Variants in CUBN observed in about 807,000 individuals in gnomAD.
CUBN encodes the protein cubilin, also known as 460 kDa receptor.
A neutral mutation model predicts 405.3 loss-of-function variants in CUBN; 282 were observed. The observed-to-expected ratio is 0.70, with a 90% CI of 0.63 to 0.77. CUBN has a LOEUF of 0.77. Ranked by LOEUF, CUBN falls within the 30% of genes least tolerant of loss-of-function variation. CUBN has a pLI of 0.00. For synonymous variants in CUBN, 1,684 were observed against 1,617.0 expected, an observed-to-expected ratio of 1.04 and a Z score of -0.99; for missense variants, 4,514 against 4,475.2, an observed-to-expected ratio of 1.01 and a Z score of -0.25.
chr10:16,900,511 T>C (rs1841326409), intron 53 of CUBN, 114 bp downstream of exon 53: 19 of 833,850 alleles, frequency 2.3e-5, no homozygotes, highest in South Asian at 2.1e-4. Flanking sequence ...TGAGATGACA[T>C]GTGCAAATAT....
chr10:16,960,788 G>A (rs865957808), intron 31 of CUBN, among the ~76,000 whole-genome samples: 3 of 152,228 alleles, frequency 2.0e-5, no homozygotes, highest in Middle Eastern at 3.4e-3. Context: ...AGGTCAGCTC[G>A]GCTGCTTTCT....
At chr10:17,009,493 G>A (rs777565769) in intron 28 of CUBN, among the ~76,000 whole-genome samples, 2 of 152,240 alleles carry the variant, frequency 1.3e-5, no homozygotes, top group Non-Finnish European at 1.5e-5. Context: ...TGCCATGACC[G>A]TTCAATCAAG....
chr10:17,128,937 T>A (rs1032357927), intron 2 of CUBN, among the ~76,000 whole-genome samples, 184 bp downstream of exon 2: 2 of 152,198 alleles, frequency 1.3e-5, no homozygotes, highest in Admixed American at 6.5e-5. Flanking sequence ...GGTAAATATT[T>A]AAGGTGATGG....
chr10:16,843,560 C>T (rs1839422856), intron 60 of CUBN, among the ~76,000 whole-genome samples: 1 of 152,182 alleles, frequency 6.6e-6, no homozygotes, highest in Non-Finnish European at 1.5e-5. Context: ...CATGGAAGAG[C>T]ACATTTGCCA....
chr10:17,072,913 A>G (rs79775946), intron 17 of CUBN, among the ~76,000 whole-genome samples: 2,491 of 152,280 alleles, frequency 0.016, 65 homozygotes, highest in African/African-American at 0.056. Context: ...TTGAACAGAC[A>G]TAAGTCATAA....
intron 14 of CUBN, among the ~76,000 whole-genome samples, chr10:17,091,307 A>C (rs1401381445): frequency 1.3e-5 from 2 of 152,244 alleles, no homozygotes; most frequent in Admixed American, 1.3e-4. Context: ...TATAATATAT[A>C]AATGTACAGA....
chr10:16,963,784 G>A (rs1053493063), intron 31 of CUBN, among the ~76,000 whole-genome samples: 1 of 152,196 alleles, frequency 6.6e-6, no homozygotes, highest in Admixed American at 6.5e-5. Context: ...AATAATGAGT[G>A]AATAGAGCAA....
At chr10:17,104,638 A>T in intron 11 of CUBN, 33 bp from the exon 12 acceptor site, 1 of 1,546,192 alleles carries the variant, frequency 6.5e-7, no homozygotes, top group Non-Finnish European at 8.9e-7. Flanking sequence ...ATACCATAAA[A>T]CAAATGGATA....
chr10:16,859,663 C>T (rs1340678636), intron 59 of CUBN, among the ~76,000 whole-genome samples: 5 of 151,656 alleles, frequency 3.3e-5, no homozygotes, highest in Admixed American at 6.6e-5. Context: ...AAGTCATTTT[C>T]GAAAAACAAA....
intron 27 of CUBN, among the ~76,000 whole-genome samples, chr10:17,025,298 A>G (rs1397405397): frequency 1.3e-5 from 2 of 152,228 alleles, no homozygotes; most frequent in Non-Finnish European, 2.9e-5. Flanking sequence ...ATAGAAGATT[A>G]TATTTCAATC....
intron 31 of CUBN, among the ~76,000 whole-genome samples, chr10:16,977,568 G>C (rs1055947275): frequency 6.6e-6 from 1 of 152,122 alleles, no homozygotes. Flanking sequence ...CCATCATCCA[G>C]TAAAACCCCT....
At chr10:17,014,484 C>T (rs1834274472) in intron 28 of CUBN, among the ~76,000 whole-genome samples, 1 of 152,066 alleles carries the variant, frequency 6.6e-6, no homozygotes, top group African/African-American at 2.4e-5. Context: ...CCGATGATTC[C>T]AAGGAACCCC....
intron 62 of CUBN, among the ~76,000 whole-genome samples, chr10:16,837,385 G>A (rs947305269): frequency 6.6e-6 from 1 of 151,928 alleles, no homozygotes; most frequent in African/African-American, 2.4e-5. Flanking sequence ...GTTCTCCTTC[G>A]ACGGTCTCTA....
chr10:16,954,085 G>C (rs1274781901), intron 32 of CUBN, among the ~76,000 whole-genome samples: 2 of 151,746 alleles, frequency 1.3e-5, no homozygotes, highest in Admixed American at 1.3e-4. Flanking sequence ...TCCCATTCTA[G>C]TGTAAAGCCT....
At chr10:16,995,687 G>C (rs941032836) in intron 28 of CUBN, among the ~76,000 whole-genome samples, 1 of 152,124 alleles carries the variant, frequency 6.6e-6, no homozygotes, top group Non-Finnish European at 1.5e-5. Flanking sequence ...CTTGGAGCTA[G>C]AAGAGGAATT....
chr10:16,899,029 G>T lies in CUBN; in HGVS notation c.8565C>A (p.Ser2855Arg). The T allele has an allele frequency of 1.2e-6, 2 of 1,612,972 alleles. No homozygotes were observed. Among genetic ancestry groups the T allele is most frequent in the Non-Finnish European group, 1.7e-6 (2 of 1,178,978 alleles). Residue 2855 changes from serine to arginine, a missense_variant, in exon 54 of 67, where the codon AGC becomes AGA. Ser to Arg is a moderately radical substitution (Grantham distance 110). This residue lies in a region of CUBN where 1,186 missense variants were observed against 1,186.9 expected (regional missense o/e 1.00). Transcript: ENST00000377833. ...AGCTATTCTGACATTGTCCATCACC[G>T]CTGGGGATTAGGAAGTTGTTGTCAA... ...ISFDNNFLIP[S>R]GDGQCQNSFV... is the part of the protein sequence containing the mutation.
chr10:17,068,755 T>C lies in CUBN; in HGVS notation c.2641A>G (p.Ile881Val), dbSNP rs776633145. The change falls in exon 20 of 67, where the codon ATT (isoleucine) becomes GTT (valine). Residue 881 changes from isoleucine (I) to valine (V), a missense_variant. Ile to Val is a conservative substitution (Grantham distance 29, BLOSUM62 3). Transcript: ENST00000377833. ...TTTTTATTTTCAGGAGAACCCAAAA[T>C]GGAACTGCTACCAATCTAAAATTAG... ...TDYVEIGSSS[I>V]LGSPENKKYC... The C allele has an allele frequency of 5.6e-5, 90 of 1,611,552 alleles. 1 individual carries two copies. In the South Asian group the frequency reaches 9.4e-4, roughly 17 times the overall value.
chr10:16,831,293 G>A lies in CUBN; in HGVS notation c.10487C>T (p.Ser3496Phe). 6.2e-7 allele frequency: 1 copy of A among 1,614,120 alleles called. No homozygotes were observed. The highest frequency in any genetic ancestry group is 8.5e-7 in the Non-Finnish European group (1 of 1,179,962). Residue 3496 changes from serine (S) to phenylalanine (F), a missense_variant, in exon 65 of 67, where the codon TCT becomes TTT. Around this residue, in one of 5 missense-constraint regions of CUBN, gnomAD observed 1,186 missense variants for 1,186.9 expected, o/e 1.00. Coordinates refer to ENST00000377833, the MANE Select transcript of CUBN (RefSeq NM_001081.4). ...YLRFKSDSVT[S>F]DRGYEIIWTS... ...CCAGATGATTTCATATCCACGATCA[G>A]AAGTTACACTATCACTCTTAAATCG...
intron 54 of CUBN, among the ~76,000 whole-genome samples, chr10:16,896,432 T>A (rs1176258728): frequency 6.6e-6 from 1 of 152,200 alleles, no homozygotes; most frequent in Non-Finnish European, 1.5e-5. Context: ...GTTTTCCAGA[T>A]ATAAAATGTA....
Sources: gnomAD v4.1 joint callset for allele counts (sites outside exome capture counted in the v4.1 genomes callset) on GRCh38, gnomAD v4.1.1 for gene constraint, gnomAD v4.1.1 regional missense constraint, MANE v1.5 for transcripts, NCBI Gene and HGNC (gene_info 2026-07-23, HGNC 2026-07-21) for gene names.